The following CSRNP2 variants were observed in gnomAD, a reference collection of about 807,000 sequenced individuals.
CSRNP2 encodes cysteine/serine-rich nuclear protein 2.
CSRNP2 carries 11 observed loss-of-function variants against 36.6 expected under a neutral mutation model. The ratio of observed to expected loss-of-function variants is 0.30; its 90% CI spans 0.19 to 0.50. The LOEUF is 0.50. Ranked by LOEUF, CSRNP2 falls within the 20% of genes least tolerant of loss-of-function variation. CSRNP2 has a pLI of 0.98. For missense variants in CSRNP2, 483 were observed against 691.4 expected (o/e 0.70, Z 3.38); for synonymous variants, 248 against 275.3 (o/e 0.90, Z 0.98).
rs1305338167 is a variant in CSRNP2 at position 51,061,750 on chromosome 12, C to T, written c.*1996G>A. ...TGATCCCAAAAGCTAATGTGTTCCTCATCGTGCAGCTGGAATCTACTTCCT... is the reference window on the plus strand; with the variant it reads ...TGATCCCAAAAGCTAATGTGTTCCTTATCGTGCAGCTGGAATCTACTTCCT... On this transcript the variant is annotated 3_prime_UTR_variant, in exon 5 of 5. Transcript: ENST00000228515. The T allele has an allele frequency of 6.6e-6, 1 of 152,200 alleles. No homozygotes were observed. The highest frequency in any genetic ancestry group is 2.4e-5 in the African/African-American group (1 of 41,450). 9.4% of individuals were successfully genotyped at this position (152,200 alleles called of 1,614,324 possible). A position where few individuals can be genotyped will look rare whatever the true frequency, so the allele number is the denominator to read the frequency against.
At chr12:51,073,029 T>C (rs933113726) in intron 3 of CSRNP2, among the ~76,000 whole-genome samples, 1 of 151,994 alleles carries the variant, frequency 6.6e-6, no homozygotes, top group Non-Finnish European at 1.5e-5. Flanking sequence ...GAGACCAACC[T>C]GGGCAACGTT....
chr12:51,066,057 T>C (rs374723456), intron 4 of CSRNP2, among the ~76,000 whole-genome samples: 4 of 152,138 alleles, frequency 2.6e-5, no homozygotes, highest in Admixed American at 6.6e-5. Flanking sequence ...CGGTGGCTCA[T>C]GCCTGTAATC....
At chr12:51,081,618 T>C (rs1332075322) in intron 1 of CSRNP2, 1 of 152,264 alleles carries the variant, frequency 6.6e-6, no homozygotes, top group African/African-American at 2.4e-5. Context: ...AAAGGTCAGC[T>C]GACACTTTCT....
At chr12:51,075,717 G>A (rs1390480687) in intron 2 of CSRNP2, among the ~76,000 whole-genome samples, 2 of 152,186 alleles carry the variant, frequency 1.3e-5, no homozygotes, top group Admixed American at 1.3e-4. Flanking sequence ...CTCATATATA[G>A]TATCAGTTCT....
At chr12:51,078,852 C>T (rs1445404607) in intron 1 of CSRNP2, among the ~76,000 whole-genome samples, 1 of 152,172 alleles carries the variant, frequency 6.6e-6, no homozygotes, top group East Asian at 1.9e-4. Flanking sequence ...TACCATTTGA[C>T]CCAGCCATCC....
At position 51,061,952 on chromosome 12, in the gene CSRNP2, G is replaced by A. The variant is rs1371676190; in HGVS notation, c.*1794C>T. 1 of 152,128 alleles carries A rather than the reference G, an allele frequency of 6.6e-6. No homozygotes were observed. Among genetic ancestry groups the A allele is most frequent in the Non-Finnish European group, 1.5e-5 (1 of 68,022 alleles). The allele number at this position is 152,128 out of a possible 1,614,324, so 9.4% of individuals were successfully genotyped here. On this transcript the variant is annotated 3_prime_UTR_variant, in exon 5 of 5. Transcript: ENST00000228515. ...GTCTAGTTCAGTTCTGGGTAGCTTC[G>A]AGAGCTCAGGTACTTAAAAGACTCT...
chr12:51,077,818 GAAGT>G lies in CSRNP2; in HGVS notation c.-86-1175_-86-1172del, dbSNP rs148168123. Reference sequence around the variant, plus strand: ...AGCAAGGGGAAAACAAATAGCAAGAGAAGTAACTATTTATTCTGGTTATATCAAT... The same window carrying G: ...AGCAAGGGGAAAACAAATAGCAAGAGAACTATTTATTCTGGTTATATCAAT... On this transcript the variant is annotated intron_variant, in intron 1 of 4. Coordinates refer to ENST00000228515, the MANE Select transcript of CSRNP2 (RefSeq NM_030809.3). Among the ~76,000 whole-genome samples, 1,354 of 152,312 alleles carry G rather than the reference GAAGT, an allele frequency of 8.9e-3. 23 individuals carry two copies. Among genetic ancestry groups the G allele is most frequent in the African/African-American group, 0.031 (1,272 of 41,576 alleles).
At position 51,064,115 on chromosome 12, in the gene CSRNP2, T is replaced by C. The variant is rs1297627585; in HGVS notation, c.1263A>G (p.Gln421=). 6.2e-7 allele frequency: 1 copy of C among 1,614,188 alleles called. No homozygotes were observed. Among genetic ancestry groups the C allele is most frequent in the Admixed American group, 1.7e-5 (1 of 60,024 alleles). Residue 421 remains glutamine, a synonymous_variant, in exon 5 of 5, where the codon CAA becomes CAG. Coordinates refer to ENST00000228515, the MANE Select transcript of CSRNP2 (RefSeq NM_030809.3). ...CTCCCAAGACTGGCCTCTGCTCCAC[T>C]TGATAATAGACCAGGGGCCCACTGT... ...YLNSGPLVYY[Q]VEQRPVLGVK...
chr12:51,083,571 G>A lies in CSRNP2; in HGVS notation c.-319C>T, dbSNP rs369933642. On this transcript the variant is annotated 5_prime_UTR_variant, in exon 1 of 5. Coordinates refer to ENST00000228515, the MANE Select transcript of CSRNP2 (RefSeq NM_030809.3). ...GGGCGCCCCCGGCAGCAGACGCCCA[G>A]AACCGCCCCGGCTCCGGCTAACAAT... 2.0e-5 allele frequency: 3 copies of A among 152,406 alleles called. No homozygotes were observed. Among genetic ancestry groups the A allele is most frequent in the South Asian group, 2.1e-4 (1 of 4,826 alleles). 9.4% of individuals were successfully genotyped at this position (152,406 alleles called of 1,614,324 possible).
At chr12:51,066,554 T>C (rs1333099930) in intron 4 of CSRNP2, among the ~76,000 whole-genome samples, 1 of 148,960 alleles carries the variant, frequency 6.7e-6, no homozygotes, top group Non-Finnish European at 1.5e-5. Context: ...GGCGGGAGAA[T>C]CACTTGAACC....
At position 51,062,619 on chromosome 12, in the gene CSRNP2, A is replaced by T. The variant is rs906132810; in HGVS notation, c.*1127T>A. 1.6e-4 allele frequency: 24 copies of T among 152,028 alleles called. No homozygotes were observed. Among genetic ancestry groups the T allele is most frequent in the African/African-American group, 5.6e-4 (23 of 41,418 alleles). 9.4% of individuals were successfully genotyped at this position (152,028 alleles called of 1,614,324 possible). A position where few individuals can be genotyped will look rare whatever the true frequency, so the allele number is the denominator to read the frequency against. ...CTTCCAATTTTTATATATCATCAAG[A>T]TGGAGGGGTCCAATAAACATTTGCA... On this transcript the variant is annotated 3_prime_UTR_variant, in exon 5 of 5. Coordinates refer to ENST00000228515, the MANE Select transcript of CSRNP2 (RefSeq NM_030809.3).
Position 51,075,673 on chromosome 12 carries a change from AG to A in CSRNP2, c.151+737del, listed in dbSNP as rs556618337. On this transcript the variant is annotated intron_variant, in intron 2 of 4. Coordinates refer to ENST00000228515, the MANE Select transcript of CSRNP2 (RefSeq NM_030809.3). ...GGGTATAACTGTGTTCCAACAAAACAGGCATTGGGCCAGATTTGGCCCATGG... is the reference window on the plus strand; with the variant it reads ...GGGTATAACTGTGTTCCAACAAAACAGCATTGGGCCAGATTTGGCCCATGG... Among the ~76,000 whole-genome samples, 398 of 152,332 alleles carry A rather than the reference AG, an allele frequency of 2.6e-3. 5 individuals are homozygous for A. The highest frequency in any genetic ancestry group is 9.3e-3 in the African/African-American group (386 of 41,578).
Position 51,062,054 on chromosome 12 carries a change from A to T in CSRNP2, c.*1692T>A, listed in dbSNP as rs1948848413. 6.6e-6 allele frequency: 1 copy of T among 152,326 alleles called. No homozygotes were observed. The highest frequency in any genetic ancestry group is 3.4e-3 in the Middle Eastern group (1 of 294). The allele number at this position is 152,326 out of a possible 1,614,324, so 9.4% of individuals were successfully genotyped here. A position where few individuals can be genotyped will look rare whatever the true frequency, so the allele number is the denominator to read the frequency against. ...TTAAGTTCCCCTCCAAACTAAAACC[A>T]AGCAAAAACTGGAACAAATAGGAAA... On this transcript the variant is annotated 3_prime_UTR_variant, in exon 5 of 5. Coordinates refer to ENST00000228515, the MANE Select transcript of CSRNP2 (RefSeq NM_030809.3).
At chr12:51,074,148 C>A (rs1454159955) in intron 2 of CSRNP2, 66 bp from the exon 3 acceptor site, 19 of 1,510,446 alleles carry the variant, frequency 1.3e-5, no homozygotes, top group Non-Finnish European at 1.7e-5. Context: ...GATGGAGTCT[C>A]GCTCTGTTGC....
Position 51,067,871 on chromosome 12 carries a change from A to G in CSRNP2, c.510T>C (p.Asp170=). The part of the protein sequence containing the change: ...EDIDVENVEV[D]DYFFLQPLPT... ...GCAGAGGCTGCAGGAAGAAGTAATCATCCACCTCCACATTTTCCACATCAA... is the reference window on the plus strand; with the variant it reads ...GCAGAGGCTGCAGGAAGAAGTAATCGTCCACCTCCACATTTTCCACATCAA... The change falls in exon 4 of 5, where the codon GAT becomes GAC. Residue 170 remains aspartate (D), a synonymous_variant. Coordinates refer to ENST00000228515, the MANE Select transcript of CSRNP2 (RefSeq NM_030809.3). This position sits in a 1 kb window ranked among gnomAD's most constrained non-coding sequence, Gnocchi z 4.1. The G allele has an allele frequency of 4.3e-6, 7 of 1,614,162 alleles. No homozygotes were observed. Among genetic ancestry groups the G allele is most frequent in the Non-Finnish European group, 5.9e-6 (7 of 1,180,028 alleles).
chr12:51,076,609 GC>G lies in CSRNP2; in HGVS notation c.-49del. The G allele has an allele frequency of 1.2e-6, 2 of 1,609,358 alleles. No homozygotes were observed. Among genetic ancestry groups the G allele is most frequent in the Non-Finnish European group, 1.7e-6 (2 of 1,176,390 alleles). ...GGGAGCCCACCAAGTTGGCCCCAAAGCCCCTACTCACCACCAGCTAGCCAGG... is the reference window on the plus strand; with the variant it reads ...GGGAGCCCACCAAGTTGGCCCCAAAGCCCTACTCACCACCAGCTAGCCAGG... On this transcript the variant is annotated 5_prime_UTR_variant, in exon 2 of 5. Transcript: ENST00000228515.
intron 2 of CSRNP2, 37 bp downstream of exon 2, chr12:51,076,374 A>G: frequency 6.2e-7 from 1 of 1,604,716 alleles, no homozygotes; most frequent in Non-Finnish European, 8.5e-7. Flanking sequence ...CTGCTTGGGG[A>G]ATGTGGGTAT....
At chr12:51,080,374 C>T (rs1339209200) in intron 1 of CSRNP2, among the ~76,000 whole-genome samples, 1 of 152,060 alleles carries the variant, frequency 6.6e-6, no homozygotes. Flanking sequence ...CCCAGCTGCC[C>T]GCAGGAGTAT....
Position 51,067,558 on chromosome 12 carries a change from T to C in CSRNP2, c.708+115A>G. 1 of 950,964 alleles carries C rather than the reference T, an allele frequency of 1.1e-6. No individual in the cohort carries two copies. The highest frequency in any genetic ancestry group is 2.4e-5 in the East Asian group (1 of 40,918). 58.9% of individuals were successfully genotyped at this position (950,964 alleles called of 1,614,324 possible). On this transcript the variant is annotated intron_variant, in intron 4 of 4. Coordinates refer to ENST00000228515, the MANE Select transcript of CSRNP2 (RefSeq NM_030809.3). This position sits in a 1 kb window ranked among gnomAD's most constrained non-coding sequence, Gnocchi z 4.1. ...GGAGGAGGGTTGTGGAACTGGAGAGTGTTCACAACCATAGGGAATCCACCC... is the reference window on the plus strand; with the variant it reads ...GGAGGAGGGTTGTGGAACTGGAGAGCGTTCACAACCATAGGGAATCCACCC...
Sources: gnomAD v4.1 joint callset for allele counts (sites outside exome capture counted in the v4.1 genomes callset) on GRCh38, gnomAD v4.1.1 for gene constraint, Gnocchi (gnomAD v3.1) non-coding constraint, MANE v1.5 for transcripts, NCBI Gene and HGNC (gene_info 2026-07-23, HGNC 2026-07-21) for gene names.